The following BEND7 variants were observed in gnomAD, a reference collection of about 807,000 sequenced individuals.
BEND7 encodes the protein BEN domain-containing protein 7.
A neutral mutation model predicts 50.9 loss-of-function variants in BEND7; 28 were observed. The ratio of observed to expected loss-of-function variants is 0.55; its 90% CI spans 0.41 to 0.75. The LOEUF (loss-of-function observed/expected upper bound fraction) is 0.75. Among genes scored for constraint, BEND7 ranks in the 30% least tolerant of loss-of-function variants. The pLI is 0.00. For synonymous variants in BEND7, 170 were observed against 183.9 expected (o/e 0.92, Z 0.61); for missense variants, 477 against 491.3 (o/e 0.97, Z 0.28).
At chr10:13,519,627 G>A (rs376442120) in intron 2 of BEND7, among the ~76,000 whole-genome samples, 2 of 152,222 alleles carry the variant, frequency 1.3e-5, no homozygotes, top group Non-Finnish European at 1.5e-5. Context: ...GAGGGCCAAC[G>A]TTATTCTTCT....
At chr10:13,503,584 G>A (rs7096196) in intron 2 of BEND7, among the ~76,000 whole-genome samples, 95,380 of 152,070 alleles carry the variant, frequency 0.63, 32,232 homozygotes, top group East Asian at 0.76. Context: ...GTGGCAGCGC[G>A]CGCCTGTAGT....
chr10:13,491,959 A>T (rs2076694584), intron 5 of BEND7, among the ~76,000 whole-genome samples: 1 of 152,092 alleles, frequency 6.6e-6, no homozygotes, highest in Non-Finnish European at 1.5e-5. Flanking sequence ...ATGCAATTGC[A>T]AATATAGTGC....
In BEND7 at chr10:13,519,996, G is replaced by C. The variant is rs1035005657; in HGVS notation, c.145+6142C>G. Reference sequence around the variant, plus strand: ...GAGGGTGAAGAGCAAGAGAAGGCTGGAAGGGCGGTTTAGAAACAGACAGCG... The same window carrying C: ...GAGGGTGAAGAGCAAGAGAAGGCTGCAAGGGCGGTTTAGAAACAGACAGCG... On this transcript the variant is annotated intron_variant, in intron 2 of 8. Transcript: ENST00000466271. 2.0e-5 allele frequency among the ~76,000 whole-genome samples: 3 copies of C among 152,296 alleles called. No individual in the cohort carries two copies. The South Asian group carries it at 6.2e-4, about 32-fold the overall frequency.
chr10:13,453,061 C>G (rs147574140), intron 6 of BEND7, among the ~76,000 whole-genome samples: 4 of 152,292 alleles, frequency 2.6e-5, no homozygotes, highest in Non-Finnish European at 4.4e-5. Flanking sequence ...AAAATTAACA[C>G]GAAAAGATGG....
chr10:13,472,393 A>C (rs920013192), intron 6 of BEND7, among the ~76,000 whole-genome samples: 1 of 151,604 alleles, frequency 6.6e-6, no homozygotes, highest in African/African-American at 2.4e-5. Flanking sequence ...TCACTGTTAG[A>C]CTCAGGGCCG....
chr10:13,484,949 A>G (rs2076115511), intron 5 of BEND7, among the ~76,000 whole-genome samples: 1 of 152,216 alleles, frequency 6.6e-6, no homozygotes, highest in Non-Finnish European at 1.5e-5. Flanking sequence ...CACTCTTGAA[A>G]ATGTCCTGGA....
chr10:13,505,709 A>G (rs6602662), intron 2 of BEND7, among the ~76,000 whole-genome samples: 102,154 of 152,048 alleles, frequency 0.67, 35,354 homozygotes, highest in East Asian at 0.79. Flanking sequence ...GGACAATGCT[A>G]TCAGTTAAGT....
At chr10:13,514,904 T>C (rs2078551669) in intron 2 of BEND7, among the ~76,000 whole-genome samples, 1 of 152,224 alleles carries the variant, frequency 6.6e-6, no homozygotes, top group Non-Finnish European at 1.5e-5. Context: ...ACATTTCCTA[T>C]GTAGGTGTAA....
intron 5 of BEND7, among the ~76,000 whole-genome samples, chr10:13,485,425 C>A (rs2076156210): frequency 6.6e-6 from 1 of 152,150 alleles, no homozygotes; most frequent in Non-Finnish European, 1.5e-5. Context: ...GGCACGTGCA[C>A]AGGGCTGTTT....
intron 3 of BEND7, among the ~76,000 whole-genome samples, chr10:13,499,007 C>T (rs2077242482): frequency 6.6e-6 from 1 of 152,124 alleles, no homozygotes; most frequent in Non-Finnish European, 1.5e-5. Context: ...CTTAAGGAAA[C>T]TGAAAATGCT....
At chr10:13,478,899 A>G (rs1192255106) in intron 6 of BEND7, among the ~76,000 whole-genome samples, 1 of 152,140 alleles carries the variant, frequency 6.6e-6, no homozygotes, top group East Asian at 1.9e-4. Context: ...AAGTTCTTCA[A>G]TTGGAATAAT....
chr10:13,491,562 A>G (rs1031179674), intron 5 of BEND7, among the ~76,000 whole-genome samples: 1 of 151,848 alleles, frequency 6.6e-6, no homozygotes, highest in African/African-American at 2.4e-5. Context: ...AAGTGTTTAT[A>G]GATTTCAAAA....
In BEND7 at chr10:13,528,816, A is replaced by C. The variant is rs1455278031; in HGVS notation, c.-283T>G. The C allele has an allele frequency of 1.4e-5, 2 of 142,160 alleles. No individual in the cohort carries two copies. Among genetic ancestry groups the C allele is most frequent in the Admixed American group, 6.9e-5 (1 of 14,504 alleles). 8.8% of individuals were successfully genotyped at this position (142,160 alleles called of 1,614,324 possible). On this transcript the variant is annotated 5_prime_UTR_variant, in exon 1 of 9. An upstream start codon of the reference 5' UTR is lost. Transcript: ENST00000466271. ...CTAGGCGCCCCCGCGGCCCCCGCTC[A>C]TGCCGGCCCGCGGGTTCCAGACGCC...
At chr10:13,492,274 C>T (rs2076718219) in intron 5 of BEND7, among the ~76,000 whole-genome samples, 1 of 152,026 alleles carries the variant, frequency 6.6e-6, no homozygotes. Flanking sequence ...TGCCCATCTA[C>T]AAAGGATTTA....
intron 7 of BEND7, among the ~76,000 whole-genome samples, chr10:13,450,572 G>A (rs1286086167): frequency 6.6e-6 from 1 of 152,160 alleles, no homozygotes; most frequent in African/African-American, 2.4e-5. Context: ...CTGCTTGTCA[G>A]GGTTGGTTTT....
intron 6 of BEND7, among the ~76,000 whole-genome samples, chr10:13,456,595 C>T (rs775828978): frequency 3.1e-4 from 47 of 152,096 alleles, no homozygotes; most frequent in South Asian, 1.0e-3. Flanking sequence ...ATGATATGGG[C>T]GGGGGCCGGG....
intron 2 of BEND7, chr10:13,500,824 G>A (rs987159089): frequency 1.1e-5 from 11 of 985,314 alleles, no homozygotes; most frequent in Non-Finnish European, 1.2e-5. Flanking sequence ...GGTCACTGGC[G>A]GTACCAGCAC....
Position 13,493,006 on chromosome 10 carries a change from T to G in BEND7, c.572-130A>C. 3.6e-6 allele frequency: 4 copies of G among 1,123,112 alleles called. No individual in the cohort carries two copies. In the South Asian group the frequency reaches 6.6e-5, roughly 19 times the overall value. 69.6% of individuals were successfully genotyped at this position (1,123,112 alleles called of 1,614,324 possible). ...AAACTCCAGGATGAAGCACACTAAATAAATCTCCAACTGGACCTAAAGGTT... is the reference window on the plus strand; with the variant it reads ...AAACTCCAGGATGAAGCACACTAAAGAAATCTCCAACTGGACCTAAAGGTT... On this transcript the variant is annotated intron_variant, in intron 4 of 8. Transcript: ENST00000466271.
At chr10:13,472,272 T>C (rs975744266) in intron 6 of BEND7, among the ~76,000 whole-genome samples, 13 of 152,162 alleles carry the variant, frequency 8.5e-5, no homozygotes, top group African/African-American at 3.1e-4. Flanking sequence ...GTTGTTAGAT[T>C]TGGGGTCAAT....
Sources: gnomAD v4.1 joint callset for allele counts (sites outside exome capture counted in the v4.1 genomes callset) on GRCh38, gnomAD v4.1.1 for gene constraint, MANE v1.5 for transcripts, NCBI Gene and HGNC (gene_info 2026-07-23, HGNC 2026-07-21) for gene names.